Variants in CYB5R3 observed in about 807,000 individuals in gnomAD.
CYB5R3 encodes the protein NADH-cytochrome b5 reductase 3.
CYB5R3 carries 28 observed loss-of-function variants against 36.5 expected under a neutral mutation model. The ratio of observed to expected loss-of-function variants is 0.77; its 90% CI spans 0.57 to 1.05. The LOEUF (loss-of-function observed/expected upper bound fraction) is 1.05. Among genes scored for constraint, CYB5R3 ranks in the 50% least tolerant of loss-of-function variants. The pLI, the probability that CYB5R3 is intolerant of heterozygous loss-of-function variation, is 0.00. For synonymous variants in CYB5R3, 181 were observed against 159.8 expected, an observed-to-expected ratio of 1.13 and a Z score of -1.00; for missense variants, 474 against 408.9, an observed-to-expected ratio of 1.16 and a Z score of -1.37.
Position 42,628,284 on chromosome 22 carries a change from G to A in CYB5R3, c.334-3C>T. The A allele has an allele frequency of 1.2e-6, 2 of 1,613,680 alleles. No homozygotes were observed. Among genetic ancestry groups the A allele is most frequent in the South Asian group, 1.1e-5 (1 of 91,068 alleles). ...GGATGGGTGTCCTTGAAGTAAACCT[G>A]CAAGACACCCCCGCAGCCCTCAGTC... On this transcript the variant is annotated splice_polypyrimidine_tract_variant and splice_region_variant and intron_variant, in intron 4 of 8. Coordinates refer to ENST00000352397, the MANE Select transcript of CYB5R3 (RefSeq NM_000398.7).
At position 42,627,674 on chromosome 22, in the gene CYB5R3, G is replaced by C; in HGVS notation, c.478C>G (p.Arg160Gly). ...ATAGGGTTGGACTTTTTGTCAGGTC[G>C]GATGGCGAACTTCCCTGGGGAGAGA... Reference protein sequence around the residue: ...VYQGKGKFAIRPDKKSNPIIR... With the variant: ...VYQGKGKFAIGPDKKSNPIIR... Residue 160 changes from arginine to glycine, a missense_variant, in exon 6 of 9, where the codon CGA (arginine) becomes GGA (glycine). By Grantham distance (125) the Arg-to-Gly change is moderately radical. Coordinates refer to ENST00000352397, the MANE Select transcript of CYB5R3 (RefSeq NM_000398.7). 6.2e-7 allele frequency: 1 copy of C among 1,613,852 alleles called. No homozygotes were observed.
At chr22:42,647,584 T>G (rs1401688291) in intron 1 of CYB5R3, among the ~76,000 whole-genome samples, 1 of 26,646 alleles carries the variant, frequency 3.8e-5, no homozygotes, top group Non-Finnish European at 8.3e-5. Context: ...CCAGGTGTGA[T>G]GGCGAGTGCC....
intron 6 of CYB5R3, 88 bp from the exon 7 acceptor site, chr22:42,627,477 C>T: frequency 1.3e-6 from 2 of 1,497,734 alleles, no homozygotes; most frequent in South Asian, 1.1e-5. Flanking sequence ...GGTGGAGGGG[C>T]CAGGACCACT....
At chr22:42,645,508 T>C (rs769763827) in intron 1 of CYB5R3, among the ~76,000 whole-genome samples, 6 of 152,232 alleles carry the variant, frequency 3.9e-5, no homozygotes, top group Non-Finnish European at 5.9e-5. Context: ...AGAGAGGACA[T>C]ACGCAGCTCC....
In CYB5R3 at chr22:42,649,081, G is replaced by A. The variant is rs545666665; in HGVS notation, c.21+214C>T. ...CCCCGGGCAGGAGGGCTGGGTCCCC[G>A]CTGCAGACTGCCAGGGCGTAAGTAG... On this transcript the variant is annotated intron_variant, in intron 1 of 8. Transcript: ENST00000352397. 3.0e-4 allele frequency among the ~76,000 whole-genome samples: 45 copies of A among 152,276 alleles called. 1 individual carries two copies. The South Asian group carries it at 8.3e-3, about 28-fold the overall frequency.
At chr22:42,628,548 G>GT (rs1928430763) in intron 4 of CYB5R3, among the ~76,000 whole-genome samples, 1 of 152,136 alleles carries the variant, frequency 6.6e-6, no homozygotes, top group Non-Finnish European at 1.5e-5. Flanking sequence ...CAACTCCAGG[G>GT]CTGGATGCAC....
chr22:42,619,604 C>A lies in CYB5R3; in HGVS notation c.*169G>T. The A allele has an allele frequency of 1.5e-6, 1 of 656,132 alleles. No individual in the cohort carries two copies. The highest frequency in any genetic ancestry group is 2.6e-6 in the Non-Finnish European group (1 of 381,930). 40.6% of individuals were successfully genotyped at this position (656,132 alleles called of 1,614,324 possible). On this transcript the variant is annotated 3_prime_UTR_variant, in exon 9 of 9. Transcript: ENST00000352397. ...GCCGTGGCCCATCTGGGACACAGCC[C>A]TGCTCCCGAAGGGGCTCCAGGGGAA...
At chr22:42,647,751 C>T (rs984840157) in intron 1 of CYB5R3, among the ~76,000 whole-genome samples, 4 of 151,840 alleles carry the variant, frequency 2.6e-5, no homozygotes, top group African/African-American at 4.8e-5. Context: ...CATATTGGCA[C>T]GTGCCTGTAC....
rs575767139 is a variant in CYB5R3 at position 42,636,923 on chromosome 22, G to C, written c.22-77C>G. On this transcript the variant is annotated intron_variant, in intron 1 of 8. Coordinates refer to ENST00000352397, the MANE Select transcript of CYB5R3 (RefSeq NM_000398.7). The stretch of plus-strand genomic sequence containing the variant: ...CACACCGGCTTGTCCACACTACCAG[G>C]CCTCTGCTCACGCTGCCCCCTCTGC... 91 of 1,565,724 alleles carry C rather than the reference G, an allele frequency of 5.8e-5. No individual in the cohort carries two copies. The South Asian group carries it at 9.5e-4, about 16-fold the overall frequency.
chr22:42,627,913 C>G (rs1035093944), intron 5 of CYB5R3, among the ~76,000 whole-genome samples: 1 of 152,096 alleles, frequency 6.6e-6, no homozygotes, highest in African/African-American at 2.4e-5. Flanking sequence ...GCTGAGAAAG[C>G]CAAATAGAGG....
At chr22:42,642,664 T>C (rs1397706051) in intron 1 of CYB5R3, among the ~76,000 whole-genome samples, 1 of 152,060 alleles carries the variant, frequency 6.6e-6, no homozygotes, top group Non-Finnish European at 1.5e-5. Flanking sequence ...GGTCTCGATC[T>C]CCTGACCTCG....
At chr22:42,627,991 C>A (rs1041913936) in intron 5 of CYB5R3, among the ~76,000 whole-genome samples, 161 bp downstream of exon 5, 2 of 152,122 alleles carry the variant, frequency 1.3e-5, no homozygotes, top group Admixed American at 6.6e-5. Context: ...CAACTTACCC[C>A]CTCTACAGCC....
chr22:42,641,150 C>T (rs763658872), intron 1 of CYB5R3, among the ~76,000 whole-genome samples: 12 of 151,720 alleles, frequency 7.9e-5, no homozygotes, highest in Admixed American at 2.0e-4. Flanking sequence ...CCACCACGCC[C>T]GGCCCCTTAT....
chr22:42,626,655 C>A (rs1414701904), intron 7 of CYB5R3, among the ~76,000 whole-genome samples: 1 of 152,200 alleles, frequency 6.6e-6, no homozygotes, highest in East Asian at 1.9e-4. Context: ...GGGCAAGGAC[C>A]CACATCCAAG....
chr22:42,631,020 G>A, intron 3 of CYB5R3, 32 bp from the exon 4 acceptor site: 1 of 1,589,392 alleles, frequency 6.3e-7, no homozygotes, highest in Non-Finnish European at 8.6e-7. Context: ...CTCTGGGCCA[G>A]AGATCATCCT....
At chr22:42,631,530 T>C (rs1928621826) in intron 2 of CYB5R3, 80 bp from the exon 3 acceptor site, 3 of 1,227,662 alleles carry the variant, frequency 2.4e-6, no homozygotes, top group Non-Finnish European at 3.5e-6. Flanking sequence ...GGAGCCCCCA[T>C]CCCATTCCTC....
chr22:42,633,527 G>A (rs1216239268), intron 2 of CYB5R3, among the ~76,000 whole-genome samples: 5 of 152,226 alleles, frequency 3.3e-5, no homozygotes, highest in African/African-American at 7.2e-5. Context: ...GCTCATGCCC[G>A]TAATCCCAGC....
intron 2 of CYB5R3, chr22:42,632,663 C>T (rs1040466523): frequency 1.3e-5 from 2 of 152,252 alleles, no homozygotes; most frequent in Non-Finnish European, 2.9e-5. Context: ...GAAGTGGATT[C>T]CAGGACTATC....
At chr22:42,649,154 C>A (rs2146918586) in intron 1 of CYB5R3, 141 bp downstream of exon 1, 2 of 235,658 alleles carry the variant, frequency 8.5e-6, no homozygotes, top group East Asian at 1.6e-4. Flanking sequence ...GGGTGGGGCG[C>A]GGCGGGCTGG....
Sources: gnomAD v4.1 joint callset for allele counts (sites outside exome capture counted in the v4.1 genomes callset) on GRCh38, gnomAD v4.1.1 for gene constraint, MANE v1.5 for transcripts, NCBI Gene and HGNC (gene_info 2026-07-23, HGNC 2026-07-21) for gene names.